The following DTWD2 variants were observed in gnomAD, a reference collection of about 807,000 sequenced individuals.
The protein encoded by DTWD2 is tRNA-uridine aminocarboxypropyltransferase 2.
Under a neutral mutation model 31.8 loss-of-function variants are expected in DTWD2, and 39 were observed. The ratio of observed to expected loss-of-function variants is 1.22; its 90% CI spans 0.95 to 1.60. DTWD2 has a LOEUF of 1.60. Ranked by LOEUF, DTWD2 falls within the 40% of genes most tolerant of loss-of-function variation. The probability of loss-of-function intolerance (pLI) is 0.00; values close to 1 mark genes in which losing one functional copy is unlikely to be tolerated. For synonymous variants in DTWD2, 180 were observed against 142.8 expected (o/e 1.26, Z -1.86); for missense variants, 515 against 381.5 (o/e 1.35, Z -2.92).
intron 1 of DTWD2, among the ~76,000 whole-genome samples, chr5:118,975,650 T>G (rs569817702): frequency 6.9e-4 from 105 of 152,326 alleles, no homozygotes; most frequent in Non-Finnish European, 1.3e-3. Context: ...TGGTTTTTCC[T>G]CATCTTCATG....
chr5:118,936,478 A>G (rs563666997), intron 3 of DTWD2, among the ~76,000 whole-genome samples: 7 of 152,230 alleles, frequency 4.6e-5, no homozygotes, highest in Non-Finnish European at 7.4e-5. Context: ...CTAAAAAAAA[A>G]AAGGAAAAAT....
At chr5:118,849,818 T>G (rs1298456491) in intron 4 of DTWD2, among the ~76,000 whole-genome samples, 3 of 151,402 alleles carry the variant, frequency 2.0e-5, no homozygotes, top group Non-Finnish European at 2.9e-5. Context: ...TAAGTGGGAG[T>G]TGAACAATGA....
At chr5:118,927,297 G>A (rs1753829994) in intron 4 of DTWD2, among the ~76,000 whole-genome samples, 1 of 151,962 alleles carries the variant, frequency 6.6e-6, no homozygotes, top group South Asian at 2.1e-4. Flanking sequence ...GTCTACAGAA[G>A]TACTCTTAGT....
chr5:118,894,566 A>T (rs960759046), intron 4 of DTWD2, among the ~76,000 whole-genome samples: 28 of 152,148 alleles, frequency 1.8e-4, no homozygotes, highest in African/African-American at 6.8e-4. Flanking sequence ...TGTTCAAGGT[A>T]TTTTCAAAAA....
rs181372324 is a variant in DTWD2 at position 118,837,143 on chromosome 5, T to C, written c.*3774A>G. ...TAAAAGGGAAGGGGAACAATGTAGG[T>C]GATGAAAGAGGGAGAGGAAGACCCT... On this transcript the variant is annotated 3_prime_UTR_variant, in exon 6 of 6. Coordinates refer to ENST00000510708, the MANE Select transcript of DTWD2 (RefSeq NM_173666.4). Among the ~76,000 whole-genome samples, 1 of 151,840 alleles carries C rather than the reference T, an allele frequency of 6.6e-6. No individual in the cohort carries two copies. Among genetic ancestry groups the C allele is most frequent in the African/African-American group, 2.4e-5 (1 of 41,436 alleles).
intron 5 of DTWD2, among the ~76,000 whole-genome samples, chr5:118,844,348 T>C (rs1180593429): frequency 6.6e-6 from 1 of 152,184 alleles, no homozygotes; most frequent in Non-Finnish European, 1.5e-5. Flanking sequence ...AAAGGTTCTG[T>C]AATAAAAAAG....
In DTWD2 at chr5:118,865,441, T is replaced by TA. The variant is rs561254560; in HGVS notation, c.598-17224dup. Among the ~76,000 whole-genome samples the TA allele has an allele frequency of 4.3e-4, 65 of 149,486 alleles. 1 individual carries two copies. In the South Asian group the frequency reaches 8.6e-3, roughly 20 times the overall value. ...CTATATACCAAAAATATGGTCTATGTAAAAAAAAAATAAATAAAAAGAATC... is the reference window on the plus strand; with the variant it reads ...CTATATACCAAAAATATGGTCTATGTAAAAAAAAAAATAAATAAAAAGAATC... On this transcript the variant is annotated intron_variant, in intron 4 of 5. Transcript: ENST00000510708.
intron 1 of DTWD2, among the ~76,000 whole-genome samples, chr5:118,981,275 G>A (rs944508728): frequency 2.0e-5 from 3 of 152,058 alleles, no homozygotes; most frequent in African/African-American, 7.2e-5. Flanking sequence ...TTTACATCGT[G>A]GTGATGGCTA....
intron 1 of DTWD2, among the ~76,000 whole-genome samples, chr5:118,984,290 C>CA (rs58684460): frequency 0.025 from 3,489 of 140,184 alleles, 101 homozygotes; most frequent in African/African-American, 0.078. Context: ...AACTCCATCT[C>CA]AAAAAAAAAA....
chr5:118,871,694 G>T (rs1423603569), intron 4 of DTWD2, among the ~76,000 whole-genome samples: 1 of 152,128 alleles, frequency 6.6e-6, no homozygotes, highest in East Asian at 1.9e-4. Flanking sequence ...CATCATCCAG[G>T]CTTTCTTTTT....
At chr5:118,985,076 T>C (rs1755394089) in intron 1 of DTWD2, among the ~76,000 whole-genome samples, 1 of 152,108 alleles carries the variant, frequency 6.6e-6, no homozygotes, top group South Asian at 2.1e-4. Flanking sequence ...ACATAGTTTA[T>C]TTTGCCCTTC....
At chr5:118,939,515 T>C (rs1251755865) in intron 2 of DTWD2, among the ~76,000 whole-genome samples, 2 of 152,214 alleles carry the variant, frequency 1.3e-5, no homozygotes, top group Non-Finnish European at 2.9e-5. Context: ...ACAGGTTTAC[T>C]GATCAAAGAA....
At chr5:118,917,668 C>T (rs1254366117) in intron 4 of DTWD2, among the ~76,000 whole-genome samples, 3 of 152,130 alleles carry the variant, frequency 2.0e-5, no homozygotes, top group African/African-American at 7.2e-5. Flanking sequence ...GGGAGAAAAA[C>T]CCCTTGTAAA....
chr5:118,908,848 T>G (rs561411284), intron 4 of DTWD2, among the ~76,000 whole-genome samples: 2 of 152,076 alleles, frequency 1.3e-5, no homozygotes, highest in African/African-American at 2.4e-5. Flanking sequence ...GAAGGCAAAG[T>G]AGGAGATACC....
intron 4 of DTWD2, among the ~76,000 whole-genome samples, chr5:118,857,510 T>C (rs1044704984): frequency 6.6e-6 from 1 of 152,206 alleles, no homozygotes; most frequent in African/African-American, 2.4e-5. Context: ...TTTACAAAAA[T>C]TGGGCTGTCT....
chr5:118,966,113 T>C (rs868237763), intron 1 of DTWD2, among the ~76,000 whole-genome samples: 4 of 152,156 alleles, frequency 2.6e-5, no homozygotes, highest in Non-Finnish European at 5.9e-5. Context: ...CAGTCATGCA[T>C]TGCCTAGAAA....
intron 1 of DTWD2, among the ~76,000 whole-genome samples, chr5:118,952,951 A>G (rs1270908676): frequency 1.3e-5 from 2 of 152,176 alleles, no homozygotes; most frequent in Non-Finnish European, 2.9e-5. Flanking sequence ...ACCACATCAT[A>G]TGACAAAATT....
At chr5:118,949,434 C>T (rs1263241416) in intron 1 of DTWD2, among the ~76,000 whole-genome samples, 3 of 151,992 alleles carry the variant, frequency 2.0e-5, no homozygotes, top group African/African-American at 7.3e-5. Context: ...CAAGAGTGTA[C>T]GGGTTGGGCA....
chr5:118,946,011 T>C (rs542273981), intron 1 of DTWD2, among the ~76,000 whole-genome samples: 2 of 152,330 alleles, frequency 1.3e-5, no homozygotes, highest in Admixed American at 1.3e-4. Flanking sequence ...GATTAAGAAA[T>C]GCTTATTAAT....
Sources: allele counts gnomAD v4.1 joint callset (sites outside exome capture counted in the v4.1 genomes callset), GRCh38; gene constraint gnomAD v4.1.1; transcripts MANE v1.5; gene names NCBI Gene and HGNC (gene_info 2026-07-23, HGNC 2026-07-21).